Variants in LRP1B observed in about 807,000 individuals in gnomAD.
LRP1B encodes low-density lipoprotein receptor-related protein 1B.
LRP1B carries 217 observed loss-of-function variants against 556.6 expected under a neutral mutation model. The observed-to-expected ratio is 0.39, with a 90% CI of 0.35 to 0.44. The LOEUF (loss-of-function observed/expected upper bound fraction) is 0.44, where lower values mean the gene tolerates loss of function less well. LRP1B is among the 20% of genes least tolerant of loss of function. The probability of loss-of-function intolerance (pLI) is 1.00; values close to 1 mark genes in which losing one functional copy is unlikely to be tolerated. For synonymous variants in LRP1B, 2,047 were observed against 1,865.8 expected, an observed-to-expected ratio of 1.10 and a Z score of -2.50; for missense variants, 5,053 against 5,620.8, an observed-to-expected ratio of 0.90 and a Z score of 3.23.
intron 6 of LRP1B, among the ~76,000 whole-genome samples, chr2:141,226,366 G>T (rs979073876): frequency 6.6e-6 from 1 of 152,062 alleles, no homozygotes; most frequent in African/African-American, 2.4e-5. Flanking sequence ...TTGCTACCCA[G>T]AGATGCAGTG....
intron 1 of LRP1B, among the ~76,000 whole-genome samples, chr2:142,085,753 T>C (rs1705894589): frequency 6.6e-6 from 1 of 152,240 alleles, no homozygotes; most frequent in Non-Finnish European, 1.5e-5. Flanking sequence ...TCATAACTCA[T>C]TTAACTCATA....
chr2:140,630,425 T>A (rs1683837066), intron 41 of LRP1B, among the ~76,000 whole-genome samples: 1 of 152,228 alleles, frequency 6.6e-6, no homozygotes, highest in African/African-American at 2.4e-5. Context: ...GTCATCATCC[T>A]GAAATCTGGA....
At chr2:141,746,955 C>A (rs982222374) in intron 2 of LRP1B, among the ~76,000 whole-genome samples, 4 of 150,278 alleles carry the variant, frequency 2.7e-5, no homozygotes, top group African/African-American at 9.8e-5. Flanking sequence ...TGCTTAAAAG[C>A]ATCGAAAATA....
chr2:140,503,756 G>C (rs1308614194), intron 53 of LRP1B, among the ~76,000 whole-genome samples: 1 of 151,878 alleles, frequency 6.6e-6, no homozygotes, highest in Non-Finnish European at 1.5e-5. Flanking sequence ...TGTTTTATAA[G>C]AATTTTTTCT....
At chr2:141,454,006 T>C (rs1681533438) in intron 3 of LRP1B, among the ~76,000 whole-genome samples, 1 of 152,222 alleles carries the variant, frequency 6.6e-6, no homozygotes, top group Admixed American at 6.5e-5. Context: ...TTTCTTTGAA[T>C]GTTAGAGTCA....
intron 3 of LRP1B, among the ~76,000 whole-genome samples, chr2:141,268,613 G>A (rs1573734169): frequency 1.3e-5 from 2 of 152,114 alleles, no homozygotes; most frequent in Non-Finnish European, 2.9e-5. Context: ...AGGAATTACA[G>A]GTACTTAACA....
At chr2:140,961,500 C>G (rs570330952) in intron 18 of LRP1B, among the ~76,000 whole-genome samples, 2 of 152,084 alleles carry the variant, frequency 1.3e-5, no homozygotes, top group East Asian at 3.9e-4. Flanking sequence ...CTTCCACACA[C>G]AAATATTTAA....
At chr2:141,262,268 C>T (rs1020514756) in intron 3 of LRP1B, among the ~76,000 whole-genome samples, 24 of 138,650 alleles carry the variant, frequency 1.7e-4, no homozygotes, top group African/African-American at 5.7e-4. Context: ...AGAGAGAGAG[C>T]GAGACGGAGT....
chr2:140,361,405 A>G (rs1411062728), intron 72 of LRP1B, among the ~76,000 whole-genome samples: 1 of 139,578 alleles, frequency 7.2e-6, no homozygotes, highest in Non-Finnish European at 1.6e-5. Flanking sequence ...AAATACAAAG[A>G]TGGGAAATTT....
chr2:140,613,261 G>A (rs1683130641), intron 41 of LRP1B, among the ~76,000 whole-genome samples: 1 of 140,540 alleles, frequency 7.1e-6, no homozygotes, highest in African/African-American at 2.6e-5. Flanking sequence ...ATATAATTAT[G>A]TTATATATAA....
chr2:140,917,572 T>A (rs1236768317), intron 21 of LRP1B, among the ~76,000 whole-genome samples: 2 of 151,962 alleles, frequency 1.3e-5, no homozygotes, highest in Non-Finnish European at 2.9e-5. Context: ...TATTACAAGG[T>A]GAAAGAAGTC....
At chr2:141,693,211 A>AT (rs1453569222) in intron 2 of LRP1B, among the ~76,000 whole-genome samples, 2 of 151,878 alleles carry the variant, frequency 1.3e-5, no homozygotes, top group African/African-American at 4.8e-5. Flanking sequence ...AGCAATTAGC[A>AT]TTTTTTTCTT....
intron 2 of LRP1B, among the ~76,000 whole-genome samples, chr2:141,796,034 T>C (rs1019642080): frequency 6.0e-5 from 9 of 151,158 alleles, no homozygotes; most frequent in African/African-American, 2.2e-4. Flanking sequence ...AGCTACTTAA[T>C]AGTATATTAT....
chr2:140,804,372 A>C, intron 32 of LRP1B, among the ~76,000 whole-genome samples: 1 of 152,248 alleles, frequency 6.6e-6, no homozygotes, highest in East Asian at 1.9e-4. Context: ...TAAGAAGTAG[A>C]AAAAAGGCTT....
At chr2:142,008,002 C>T (rs558122253) in intron 1 of LRP1B, among the ~76,000 whole-genome samples, 24 of 152,290 alleles carry the variant, frequency 1.6e-4, no homozygotes, top group African/African-American at 5.8e-4. Context: ...CCTGACAATT[C>T]AATAGATCAT....
intron 18 of LRP1B, among the ~76,000 whole-genome samples, chr2:140,953,041 G>GA (rs1695764995): frequency 1.3e-5 from 2 of 152,052 alleles, no homozygotes; most frequent in African/African-American, 2.4e-5. Context: ...CATAAAGATA[G>GA]AAAAAACTGA....
chr2:140,674,905 C>T (rs1237488217), intron 41 of LRP1B, among the ~76,000 whole-genome samples: 1 of 152,166 alleles, frequency 6.6e-6, no homozygotes, highest in Non-Finnish European at 1.5e-5. Context: ...TTTTATATAA[C>T]ACAAATCATC....
intron 3 of LRP1B, among the ~76,000 whole-genome samples, chr2:141,446,369 C>A (rs1198290646): frequency 6.6e-6 from 1 of 152,072 alleles, no homozygotes; most frequent in Non-Finnish European, 1.5e-5. Context: ...ATCCAATTTG[C>A]CAGTCTGTGT....
At chr2:140,297,495 G>A (rs909524815) in intron 84 of LRP1B, among the ~76,000 whole-genome samples, 1 of 152,096 alleles carries the variant, frequency 6.6e-6, no homozygotes, top group African/African-American at 2.4e-5. Flanking sequence ...AGGAGAGATG[G>A]AGAATTGGAT....
Sources: allele counts gnomAD v4.1 joint callset (sites outside exome capture counted in the v4.1 genomes callset), GRCh38; gene constraint gnomAD v4.1.1; transcripts MANE v1.5; gene names NCBI Gene and HGNC (gene_info 2026-07-23, HGNC 2026-07-21).